The following ELAVL4 variants were observed in gnomAD, a reference collection of about 807,000 sequenced individuals.
ELAVL4 encodes the protein ELAV like RNA binding protein 4.
ELAVL4 carries 1 observed loss-of-function variant against 35.6 expected under a neutral mutation model. That is an observed-to-expected ratio of 0.03 (90% CI 0.01 to 0.13). The LOEUF is 0.13. Among genes scored for constraint, ELAVL4 ranks in the 10% least tolerant of loss-of-function variants. The pLI is 1.00. For missense variants in ELAVL4, 267 were observed against 464.9 expected (o/e 0.57, Z 3.91); for synonymous variants, 156 against 171.0 (o/e 0.91, Z 0.69).
intron 3 of ELAVL4, among the ~76,000 whole-genome samples, chr1:50,188,186 C>T (rs921157770): frequency 1.3e-5 from 2 of 152,084 alleles, no homozygotes; most frequent in Admixed American, 6.5e-5. Flanking sequence ...ATTGAATGGT[C>T]GGCTGTCTTG....
chr1:50,063,266 C>G (rs923188033), intron 1 of ELAVL4, among the ~76,000 whole-genome samples: 2 of 152,112 alleles, frequency 1.3e-5, no homozygotes, highest in Non-Finnish European at 2.9e-5. Context: ...ACGCTTCATA[C>G]ATGGTGAATA....
chr1:50,104,941 G>A (rs769906001), upstream of ELAVL4, among the ~76,000 whole-genome samples: 3 of 152,140 alleles, frequency 2.0e-5, no homozygotes, highest in Non-Finnish European at 2.9e-5. Context: ...AATAGTATAC[G>A]ACAGAAATGT....
intron 2 of ELAVL4, among the ~76,000 whole-genome samples, chr1:50,148,100 G>A (rs4926844): frequency 0.069 from 10,578 of 152,208 alleles, 839 homozygotes; most frequent in East Asian, 0.42. Flanking sequence ...CTTGCTAAGC[G>A]CTGGACATAC....
chr1:50,187,935 A>T (rs1682079737), intron 3 of ELAVL4, among the ~76,000 whole-genome samples: 1 of 152,072 alleles, frequency 6.6e-6, no homozygotes, highest in African/African-American at 2.4e-5. Context: ...TTCTCTACTA[A>T]AAATATAAAA....
chr1:50,068,270 G>A (rs1276549586), intron 1 of ELAVL4, among the ~76,000 whole-genome samples: 1 of 152,184 alleles, frequency 6.6e-6, no homozygotes, highest in African/African-American at 2.4e-5. Context: ...AGACATGGGA[G>A]AATAAGGATG....
chr1:50,073,828 A>C (rs2148489483), intron 1 of ELAVL4, among the ~76,000 whole-genome samples: 1 of 137,710 alleles, frequency 7.3e-6, no homozygotes, highest in East Asian at 2.1e-4. Context: ...ACAAAGACTA[A>C]GTGCATAAGA....
intron 1 of ELAVL4, 28 bp from the exon 2 acceptor site, chr1:50,144,929 T>C (rs778122576): frequency 5.0e-6 from 8 of 1,595,708 alleles, no homozygotes; most frequent in Non-Finnish European, 6.8e-6. Flanking sequence ...TTCAAAAGGC[T>C]TTTTCAATTG....
At chr1:50,186,085 A>G (rs1286107729) in intron 3 of ELAVL4, among the ~76,000 whole-genome samples, 1 of 152,138 alleles carries the variant, frequency 6.6e-6, no homozygotes, top group Non-Finnish European at 1.5e-5. Context: ...AGAAGTTGCA[A>G]GACACATGAA....
chr1:50,049,723 T>C (rs1425531826), intron 1 of ELAVL4, among the ~76,000 whole-genome samples: 3 of 152,186 alleles, frequency 2.0e-5, no homozygotes, highest in South Asian at 2.1e-4. Context: ...AACAAAATCC[T>C]TGGGGCCGAT....
intron 3 of ELAVL4, among the ~76,000 whole-genome samples, chr1:50,187,211 TTG>T (rs1256099278): frequency 3.3e-5 from 5 of 152,202 alleles, no homozygotes; most frequent in Admixed American, 1.3e-4. Context: ...AATGATTGGT[TTG>T]TGTGTGTGTG....
intron 2 of ELAVL4, among the ~76,000 whole-genome samples, chr1:50,173,079 G>A (rs1055896734): frequency 1.1e-4 from 16 of 152,084 alleles, no homozygotes; most frequent in African/African-American, 2.9e-4. Flanking sequence ...CAGTAATGGA[G>A]GACTGGTACA....
intron 1 of ELAVL4, among the ~76,000 whole-genome samples, chr1:50,119,811 C>A (rs1668715385): frequency 6.6e-6 from 1 of 151,854 alleles, no homozygotes. Context: ...CATGTTCACT[C>A]AGCCTTGTAT....
intron 2 of ELAVL4, among the ~76,000 whole-genome samples, chr1:50,154,399 G>A (rs1229078321): frequency 5.9e-5 from 9 of 152,050 alleles, no homozygotes; most frequent in Admixed American, 5.9e-4. Context: ...TAGTTCTTGC[G>A]GATTTCTAAG....
intron 3 of ELAVL4, among the ~76,000 whole-genome samples, chr1:50,181,469 C>T (rs951617684): frequency 3.9e-5 from 6 of 152,176 alleles, no homozygotes; most frequent in Non-Finnish European, 7.3e-5. Context: ...GAGATTCTTC[C>T]ATCCATGTGA....
intron 2 of ELAVL4, among the ~76,000 whole-genome samples, chr1:50,154,779 T>C (rs967840868): frequency 2.0e-5 from 3 of 151,892 alleles, no homozygotes; most frequent in Non-Finnish European, 4.4e-5. Context: ...TGTGTGTGTG[T>C]GTGTGTTTGT....
intron 1 of ELAVL4, among the ~76,000 whole-genome samples, chr1:50,142,588 T>TAAACAA (rs1449920419): frequency 1.3e-5 from 2 of 151,874 alleles, no homozygotes; most frequent in Non-Finnish European, 2.9e-5. Flanking sequence ...GATGAGAAAA[T>TAAACAA]AAACAAAAAC....
At chr1:50,061,636 A>G (rs1355377469) in intron 1 of ELAVL4, among the ~76,000 whole-genome samples, 1 of 152,172 alleles carries the variant, frequency 6.6e-6, no homozygotes, top group African/African-American at 2.4e-5. Context: ...TTTGTTTGCA[A>G]GGAGTGCAGT....
At position 50,056,949 on chromosome 1, in the gene ELAVL4, A is replaced by G. The variant is rs186778442; in HGVS notation, c.18+8767A>G. On this transcript the variant is annotated intron_variant, in intron 1 of 6. Coordinates refer to the ELAVL4 transcript ENST00000448907. Reference sequence around the variant, plus strand: ...TGTATCAAAAAAAAAAAAAAAGCACACCTACTTATTTTAAAAAATAGTTTA... The same window carrying G: ...TGTATCAAAAAAAAAAAAAAAGCACGCCTACTTATTTTAAAAAATAGTTTA... 4.8e-3 allele frequency among the ~76,000 whole-genome samples: 727 copies of G among 151,410 alleles called. 5 individuals are homozygous for G. Among genetic ancestry groups the G allele is most frequent in the African/African-American group, 0.017 (695 of 41,330 alleles).
At chr1:50,083,678 A>G (rs765513037) in intron 1 of ELAVL4, among the ~76,000 whole-genome samples, 18 of 152,128 alleles carry the variant, frequency 1.2e-4, no homozygotes, top group Non-Finnish European at 2.5e-4. Context: ...CAAATCAAGC[A>G]TTTCTCCAGG....
Sources: gnomAD v4.1 joint callset for allele counts (sites outside exome capture counted in the v4.1 genomes callset) on GRCh38, gnomAD v4.1.1 for gene constraint, MANE v1.5 for transcripts, NCBI Gene and HGNC (gene_info 2026-07-23, HGNC 2026-07-21) for gene names.